The following SNCAIP variants were observed in gnomAD, a reference collection of about 807,000 sequenced individuals.
SNCAIP encodes synphilin-1.
Under a neutral mutation model 86.7 loss-of-function variants are expected in SNCAIP, and 43 were observed. That is an observed-to-expected ratio of 0.50 (90% CI 0.39 to 0.64). The LOEUF (loss-of-function observed/expected upper bound fraction) is 0.64. Among genes scored for constraint, SNCAIP ranks in the 30% least tolerant of loss-of-function variants. SNCAIP has a pLI of 0.00. For synonymous variants in SNCAIP, 417 were observed against 427.2 expected (o/e 0.98, Z 0.29); for missense variants, 981 against 1,103.1 (o/e 0.89, Z 1.57).
intron 1 of SNCAIP, among the ~76,000 whole-genome samples, chr5:122,361,751 C>G (rs1370019295): frequency 2.0e-5 from 3 of 152,130 alleles, no homozygotes; most frequent in Non-Finnish European, 4.4e-5. Context: ...CGCCATCCCC[C>G]AGATTTTCCA....
chr5:122,402,681 A>AC (rs1491377008), intron 2 of SNCAIP, among the ~76,000 whole-genome samples: 13 of 152,186 alleles, frequency 8.5e-5, no homozygotes, highest in African/African-American at 2.9e-4. Flanking sequence ...CAAGCTAACT[A>AC]AAGTACCTTC....
chr5:122,429,207 T>C (rs1399239911), intron 5 of SNCAIP, among the ~76,000 whole-genome samples: 1 of 151,470 alleles, frequency 6.6e-6, no homozygotes, highest in Non-Finnish European at 1.5e-5. Context: ...ATGCCTCTAT[T>C]AAAAGAGGAG....
intron 2 of SNCAIP, among the ~76,000 whole-genome samples, chr5:122,400,469 G>A (rs1271719860): frequency 6.6e-6 from 1 of 152,212 alleles, no homozygotes. Context: ...CAGTCCCTGT[G>A]TGCCATGCAC....
At chr5:122,410,377 T>C (rs1773872083) in intron 3 of SNCAIP, among the ~76,000 whole-genome samples, 1 of 152,202 alleles carries the variant, frequency 6.6e-6, no homozygotes, top group African/African-American at 2.4e-5. Context: ...CTGCCCCCTC[T>C]GTGGAAAAGG....
chr5:122,463,698 A>T lies in SNCAIP; in HGVS notation c.*202A>T, dbSNP rs886059828. The T allele has an allele frequency of 2.6e-5, 15 of 582,786 alleles. No homozygotes were observed. In the East Asian group the frequency reaches 4.2e-4, roughly 16 times the overall value. 36.1% of individuals were successfully genotyped at this position (582,786 alleles called of 1,614,324 possible). A position where few individuals can be genotyped will look rare whatever the true frequency, so the allele number is the denominator to read the frequency against. On this transcript the variant is annotated 3_prime_UTR_variant, in exon 11 of 11. Coordinates refer to ENST00000261368, the MANE Select transcript of SNCAIP (RefSeq NM_005460.4). ...ACCAGCAGAAGAACAGAATATCAGG[A>T]TGCCTTAAATTTATAGTAGTAGACT... is the stretch of plus-strand genomic sequence containing the variant.
intron 1 of SNCAIP, among the ~76,000 whole-genome samples, chr5:122,384,103 G>T (rs553265922): frequency 6.6e-6 from 1 of 152,240 alleles, no homozygotes; most frequent in Non-Finnish European, 1.5e-5. Context: ...ACAATTCAGG[G>T]CTAGGGATGT....
chr5:122,456,797 C>T (rs1295988877), intron 10 of SNCAIP, among the ~76,000 whole-genome samples: 2 of 152,196 alleles, frequency 1.3e-5, no homozygotes, highest in African/African-American at 2.4e-5. Flanking sequence ...TAAACCTACT[C>T]AATCATGTGG....
intron 10 of SNCAIP, 146 bp from the exon 11 acceptor site, chr5:122,463,345 A>G: frequency 1.6e-6 from 1 of 637,574 alleles, no homozygotes. Context: ...ATGAAAAGAG[A>G]ATAATTTGCG....
intron 5 of SNCAIP, among the ~76,000 whole-genome samples, chr5:122,426,583 G>A (rs1777411708): frequency 6.6e-6 from 1 of 152,018 alleles, no homozygotes; most frequent in Non-Finnish European, 1.5e-5. Flanking sequence ...AATTAATAAG[G>A]TATACTTCAA....
At chr5:122,429,647 C>T (rs918351770) in intron 5 of SNCAIP, among the ~76,000 whole-genome samples, 7 of 151,924 alleles carry the variant, frequency 4.6e-5, no homozygotes, top group African/African-American at 1.2e-4. Context: ...AGTGGTTTTT[C>T]GTTTTTAATC....
At chr5:122,401,410 A>T (rs925704170) in intron 2 of SNCAIP, among the ~76,000 whole-genome samples, 1 of 152,180 alleles carries the variant, frequency 6.6e-6, no homozygotes, top group Non-Finnish European at 1.5e-5. Context: ...AGCAATGTTT[A>T]TACTTACTGA....
At chr5:122,351,330 G>A (rs941696304) in intron 1 of SNCAIP, among the ~76,000 whole-genome samples, 5 of 151,652 alleles carry the variant, frequency 3.3e-5, no homozygotes, top group African/African-American at 1.2e-4. Flanking sequence ...TGAGGTCAGG[G>A]GTTTGAGACC....
intron 1 of SNCAIP, among the ~76,000 whole-genome samples, chr5:122,350,499 G>A (rs960389139): frequency 6.6e-6 from 1 of 151,424 alleles, no homozygotes; most frequent in Non-Finnish European, 1.5e-5. Context: ...GGTTTACAAG[G>A]AGTAAGGATT....
rs760464221 is a variant in SNCAIP, at chr5:122,425,503, A to G, written c.1154A>G (p.Lys385Arg). The G allele has an allele frequency of 9.9e-6, 16 of 1,614,012 alleles. No homozygotes were observed. Among genetic ancestry groups the G allele is most frequent in the Admixed American group, 5.0e-5 (3 of 60,008 alleles). Reference protein sequence around the residue: ...EDCLNERNTEKLTPAGLAIKN... With the variant: ...EDCLNERNTERLTPAGLAIKN... ...TGCCTCAATGAGCGCAACACTGAGA[A>G]GTTGACTCCAGCAGGCCTGGCCATT... The change falls in exon 5 of 11, where the codon AAG (lysine) becomes AGG (arginine). Residue 385 changes from lysine to arginine, a missense_variant. Physicochemically the swap from Lys to Arg is conservative, Grantham distance 26 (BLOSUM62 2). Coordinates refer to ENST00000261368, the MANE Select transcript of SNCAIP (RefSeq NM_005460.4).
intron 1 of SNCAIP, among the ~76,000 whole-genome samples, chr5:122,374,709 G>A (rs1580784385): frequency 6.6e-6 from 1 of 151,994 alleles, no homozygotes; most frequent in East Asian, 1.9e-4. Context: ...AATACTGAGA[G>A]TTCTAATGTA....
intron 6 of SNCAIP, chr5:122,436,936 T>C (rs1779621882): frequency 6.6e-6 from 1 of 152,162 alleles, no homozygotes; most frequent in Non-Finnish European, 1.5e-5. Context: ...TAAGAGGAGT[T>C]TTCAGTCAGT....
intron 8 of SNCAIP, chr5:122,444,993 C>T (rs866165425): frequency 1.6e-5 from 8 of 487,146 alleles, no homozygotes; most frequent in Admixed American, 6.4e-5. Context: ...GTGGACAAGG[C>T]GAGAGAGCCT....
At chr5:122,340,746 C>G (rs1382825037) in intron 1 of SNCAIP, among the ~76,000 whole-genome samples, 2 of 152,120 alleles carry the variant, frequency 1.3e-5, no homozygotes, top group Non-Finnish European at 2.9e-5. Context: ...AATATGTGAA[C>G]ATTTATACTC....
In SNCAIP at chr5:122,421,262, T is replaced by G. The variant is rs565472082; in HGVS notation, c.131-1606T>G. 6.8e-4 allele frequency among the ~76,000 whole-genome samples: 103 copies of G among 152,344 alleles called. 1 individual carries two copies. Among genetic ancestry groups the G allele is most frequent in the African/African-American group, 2.4e-3 (101 of 41,586 alleles). ...AGCCAGAAAGGTCTGAGAAGTGGAC[T>G]GCATAGTGCAGACCCTTGGAAACCT... On this transcript the variant is annotated intron_variant, in intron 3 of 10. Coordinates refer to ENST00000261368, the MANE Select transcript of SNCAIP (RefSeq NM_005460.4).
Sources: gnomAD v4.1 joint callset for allele counts (sites outside exome capture counted in the v4.1 genomes callset) on GRCh38, gnomAD v4.1.1 for gene constraint, MANE v1.5 for transcripts, NCBI Gene and HGNC (gene_info 2026-07-23, HGNC 2026-07-21) for gene names.